The following PCDH15 variants were observed in gnomAD, a reference collection of about 807,000 sequenced individuals.
PCDH15 encodes the protein protocadherin related 15.
In PCDH15, 129 loss-of-function variants were observed where a neutral mutation model predicts 178.5. The ratio of observed to expected loss-of-function variants is 0.72; its 90% confidence interval spans 0.63 to 0.84. The LOEUF (loss-of-function observed/expected upper bound fraction) is 0.84. PCDH15 is among the 40% of genes least tolerant of loss of function. The pLI is 0.00. For synonymous variants in PCDH15, 800 were observed against 732.0 expected (o/e 1.09, Z -1.50); for missense variants, 2,230 against 2,099.9 (o/e 1.06, Z -1.21).
At chr10:54,008,970 C>G (rs1248281217) in intron 20 of PCDH15, among the ~76,000 whole-genome samples, 1 of 152,044 alleles carries the variant, frequency 6.6e-6, no homozygotes, top group Admixed American at 6.5e-5. Flanking sequence ...ATTTTTGTAA[C>G]AGATTTCTAA....
At chr10:54,376,642 AAAC>A (rs1284510836) in intron 4 of PCDH15, among the ~76,000 whole-genome samples, 1 of 151,744 alleles carries the variant, frequency 6.6e-6, no homozygotes, top group Non-Finnish European at 1.5e-5. Context: ...AATAATGTTA[AAAC>A]AATAAAGTAA....
intron 1 of PCDH15, among the ~76,000 whole-genome samples, chr10:55,302,521 T>C (rs1231008473): frequency 3.9e-5 from 6 of 152,048 alleles, no homozygotes; most frequent in African/African-American, 9.6e-5. Context: ...GCACCTAGAG[T>C]GTCAAGACAG....
intron 2 of PCDH15, among the ~76,000 whole-genome samples, chr10:55,144,971 GAAAAA>G (rs1838464420): frequency 2.0e-5 from 3 of 151,498 alleles, no homozygotes; most frequent in African/African-American, 7.3e-5. Context: ...GAAGAAAAAA[GAAAAA>G]AAGAAATGCA....
intron 3 of PCDH15, among the ~76,000 whole-genome samples, chr10:54,503,223 A>ATGTGTG (rs1318349172): frequency 1.1e-5 from 1 of 94,682 alleles, no homozygotes; most frequent in African/African-American, 4.0e-5. Context: ...ATATACATAT[A>ATGTGTG]TATGTGTGTG....
At chr10:54,631,804 G>T (rs2093707674) in intron 2 of PCDH15, among the ~76,000 whole-genome samples, 1 of 152,030 alleles carries the variant, frequency 6.6e-6, no homozygotes, top group African/African-American at 2.4e-5. Context: ...TTTTCATAAG[G>T]AGGCAGGAAG....
chr10:55,454,385 G>C (rs115677455), intron 2 of PCDH15, among the ~76,000 whole-genome samples: 3,722 of 152,062 alleles, frequency 0.024, 154 homozygotes, highest in African/African-American at 0.085. Context: ...GGGGATTACA[G>C]TATTGAAACT....
chr10:55,477,962 C>A (rs1385842351), intron 2 of PCDH15, among the ~76,000 whole-genome samples: 1 of 151,560 alleles, frequency 6.6e-6, no homozygotes, highest in African/African-American at 2.4e-5. Flanking sequence ...TGTAAGGACA[C>A]AAATAGACTG....
intron 26 of PCDH15, among the ~76,000 whole-genome samples, chr10:53,871,616 A>T (rs2079863105): frequency 1.3e-5 from 2 of 152,096 alleles, no homozygotes; most frequent in Non-Finnish European, 2.9e-5. Flanking sequence ...TTATGCAATC[A>T]ATTTAGACCC....
At chr10:55,311,198 C>A (rs1343060949) in intron 1 of PCDH15, among the ~76,000 whole-genome samples, 1 of 152,178 alleles carries the variant, frequency 6.6e-6, no homozygotes, top group African/African-American at 2.4e-5. Flanking sequence ...TCCTCAGTAA[C>A]ATAAAATTTG....
At chr10:55,243,863 A>C (rs1371895763) in intron 1 of PCDH15, among the ~76,000 whole-genome samples, 1 of 152,054 alleles carries the variant, frequency 6.6e-6, no homozygotes, top group East Asian at 1.9e-4. Context: ...TCTGTATCTT[A>C]TTGTCTCTCT....
chr10:53,805,925 A>AT lies in PCDH15; in HGVS notation c.*653dup, dbSNP rs1366173839. On this transcript the variant is annotated 3_prime_UTR_variant, in exon 38 of 38. Coordinates refer to ENST00000644397, the MANE Select transcript of PCDH15 (RefSeq NM_001384140.1). ...CAAGAGAATATTGTAAATAATATTGATAAAAAGACATACGACTTCAAGTGG... is the reference window on the plus strand; with the variant it reads ...CAAGAGAATATTGTAAATAATATTGATTAAAAAGACATACGACTTCAAGTGG... 6.6e-6 allele frequency: 1 copy of AT among 152,164 alleles called. No homozygotes were observed. Among genetic ancestry groups the AT allele is most frequent in the African/African-American group, 2.4e-5 (1 of 41,442 alleles). 9.4% of individuals were successfully genotyped at this position (152,164 alleles called of 1,614,324 possible).
chr10:55,304,146 G>A (rs551904162), intron 1 of PCDH15, among the ~76,000 whole-genome samples: 1 of 152,230 alleles, frequency 6.6e-6, no homozygotes, highest in East Asian at 1.9e-4. Context: ...GTCTGGGTGG[G>A]TGTGACCAGA....
At chr10:54,020,618 TGGAGGCAG>T (rs1443847632) in intron 19 of PCDH15, among the ~76,000 whole-genome samples, 2 of 151,006 alleles carry the variant, frequency 1.3e-5, no homozygotes, top group Admixed American at 6.6e-5. Flanking sequence ...GAGAGAAAGA[TGGAGGCAG>T]GGAGGAAAGG....
chr10:54,392,981 C>T (rs1950746825), intron 3 of PCDH15, among the ~76,000 whole-genome samples: 1 of 151,490 alleles, frequency 6.6e-6, no homozygotes, highest in Admixed American at 6.6e-5. Flanking sequence ...GGAAGTACAT[C>T]ATAACTTTTA....
intron 3 of PCDH15, among the ~76,000 whole-genome samples, chr10:54,427,802 C>A (rs555293144): frequency 5.1e-4 from 77 of 152,108 alleles, no homozygotes; most frequent in African/African-American, 1.6e-3. Context: ...CTAGTAAAAA[C>A]TAAAGAGGGA....
intron 2 of PCDH15, among the ~76,000 whole-genome samples, chr10:54,965,988 TTAGA>T (rs1273836057): frequency 1.8e-4 from 27 of 151,196 alleles, no homozygotes; most frequent in African/African-American, 6.3e-4. Context: ...TAAATGCATA[TTAGA>T]TATTCATTTA....
chr10:54,005,775 C>T (rs2092364672), intron 20 of PCDH15, among the ~76,000 whole-genome samples: 1 of 151,884 alleles, frequency 6.6e-6, no homozygotes, highest in Non-Finnish European at 1.5e-5. Context: ...AAAAATAGAG[C>T]TATCATACGA....
intron 25 of PCDH15, among the ~76,000 whole-genome samples, chr10:53,909,093 C>A (rs1227860936): frequency 2.0e-5 from 3 of 152,134 alleles, no homozygotes; most frequent in Non-Finnish European, 4.4e-5. Flanking sequence ...ACGGAAGAAC[C>A]TGGTGGGAGG....
chr10:54,292,728 G>A (rs2133053856), intron 8 of PCDH15, among the ~76,000 whole-genome samples: 1 of 152,214 alleles, frequency 6.6e-6, no homozygotes, highest in South Asian at 2.1e-4. Flanking sequence ...TTGCTACAAG[G>A]AGAATAAAAT....
Sources: allele counts gnomAD v4.1 joint callset (sites outside exome capture counted in the v4.1 genomes callset), GRCh38; gene constraint gnomAD v4.1.1; transcripts MANE v1.5; gene names NCBI Gene and HGNC (gene_info 2026-07-23, HGNC 2026-07-21).